The following KDM4A variants were observed in gnomAD, a reference collection of about 807,000 sequenced individuals.
The protein encoded by KDM4A is lysine demethylase 4A, also known as lysine-specific demethylase 4A.
Under a neutral mutation model 127.1 loss-of-function variants are expected in KDM4A, and 23 were observed. The observed-to-expected ratio is 0.18, with a 90% confidence interval of 0.13 to 0.26. KDM4A has a LOEUF of 0.26. Among genes scored for constraint, KDM4A ranks in the 10% least tolerant of loss-of-function variants. The pLI is 1.00. For synonymous variants in KDM4A, 443 were observed against 466.5 expected, an observed-to-expected ratio of 0.95 and a Z score of 0.65; for missense variants, 890 against 1,329.1, an observed-to-expected ratio of 0.67 and a Z score of 5.14.
chr1:43,698,779 A>G (rs1570878810), intron 19 of KDM4A, among the ~76,000 whole-genome samples: 1 of 152,300 alleles, frequency 6.6e-6, no homozygotes, highest in Non-Finnish European at 1.5e-5. Context: ...GCAGTAGCAT[A>G]GCTATCATTT....
chr1:43,695,929 T>C lies in KDM4A; in HGVS notation c.2670+1035T>C, dbSNP rs566633125. On this transcript the variant is annotated intron_variant, in intron 18 of 21. Coordinates refer to ENST00000372396, the MANE Select transcript of KDM4A (RefSeq NM_014663.3). ...GGGAAGGATGCTAATATGATGTTAG[T>C]AACTGCAATCAGGAACTGAGATGAA... is the stretch of plus-strand genomic sequence containing the variant. Among the ~76,000 whole-genome samples, 5 of 152,244 alleles carry C rather than the reference T, an allele frequency of 3.3e-5. No individual in the cohort carries two copies. In the South Asian group the frequency reaches 1.0e-3, roughly 32 times the overall value.
chr1:43,655,168 G>A (rs1391962755), intron 2 of KDM4A, among the ~76,000 whole-genome samples: 1 of 152,132 alleles, frequency 6.6e-6, no homozygotes, highest in Admixed American at 6.6e-5. Flanking sequence ...AGATTTTTAA[G>A]AATGTTATGC....
intron 11 of KDM4A, among the ~76,000 whole-genome samples, chr1:43,675,510 A>G (rs1660721160): frequency 6.6e-6 from 1 of 152,152 alleles, no homozygotes; most frequent in African/African-American, 2.4e-5. Flanking sequence ...CTGGGAGAGG[A>G]GGGTGTTCTA....
intron 12 of KDM4A, among the ~76,000 whole-genome samples, chr1:43,686,894 T>C (rs1660995704): frequency 6.6e-6 from 1 of 152,234 alleles, no homozygotes; most frequent in Non-Finnish European, 1.5e-5. Flanking sequence ...AACTGTATAA[T>C]TTTGCTTCCT....
At chr1:43,701,088 A>G (rs771915232) in intron 19 of KDM4A, among the ~76,000 whole-genome samples, 6 of 151,842 alleles carry the variant, frequency 4.0e-5, no homozygotes, top group Non-Finnish European at 5.9e-5. Flanking sequence ...ACGCCCAACT[A>G]ATTTTTGTAT....
chr1:43,692,593 A>T (rs900876919), intron 16 of KDM4A, among the ~76,000 whole-genome samples: 3 of 152,180 alleles, frequency 2.0e-5, no homozygotes, highest in African/African-American at 7.2e-5. Context: ...ATGAAGACGA[A>T]GATGATGCGC....
chr1:43,654,226 C>T (rs559561550), intron 2 of KDM4A, among the ~76,000 whole-genome samples: 2 of 152,112 alleles, frequency 1.3e-5, no homozygotes, highest in African/African-American at 4.8e-5. Context: ...TTTAAAGTTA[C>T]CAAAAAAATG....
chr1:43,703,810 G>T, intron 20 of KDM4A, 74 bp downstream of exon 20: 1 of 1,585,896 alleles, frequency 6.3e-7, no homozygotes, highest in Non-Finnish European at 8.6e-7. Context: ...GGCCAGAGGC[G>T]AGTCTTTGCT....
chr1:43,653,083 C>T, intron 1 of KDM4A, 54 bp from the exon 2 acceptor site: 9 of 908,498 alleles, frequency 9.9e-6, no homozygotes, highest in African/African-American at 1.7e-5. Context: ...TTGATGTTTC[C>T]AGCACTTAAT....
At chr1:43,668,609 C>T (rs1424536119) in intron 9 of KDM4A, among the ~76,000 whole-genome samples, 1 of 152,150 alleles carries the variant, frequency 6.6e-6, no homozygotes, top group Non-Finnish European at 1.5e-5. Flanking sequence ...GAAGGTCGGG[C>T]TCCCTCTGAG....
At chr1:43,660,478 G>A (rs541052902) in intron 4 of KDM4A, 66 bp downstream of exon 4, 79 of 1,533,084 alleles carry the variant, frequency 5.2e-5, no homozygotes, top group South Asian at 3.4e-4. Flanking sequence ...TTTTCGGCCC[G>A]GCACGTAGTA....
intron 18 of KDM4A, 67 bp from the exon 19 acceptor site, chr1:43,697,776 C>T (rs1465524594): frequency 2.5e-5 from 35 of 1,411,226 alleles, no homozygotes; most frequent in South Asian, 7.6e-5. Flanking sequence ...ACTAATTGAT[C>T]TTCATCTCCA....
chr1:43,698,015 T>G lies in KDM4A; in HGVS notation c.2841+2T>G. The stretch of plus-strand genomic sequence containing the variant: ...AATCTTTATCCTGAGGACATAGTGG[T>G]AATATCTGCAAGGAGCTTCTCAGGC... On this transcript the variant is annotated splice_donor_variant, in intron 19 of 21. Transcript: ENST00000372396. LOFTEE classifies it high-confidence loss of function. 6.2e-7 allele frequency: 1 copy of G among 1,612,148 alleles called. No homozygotes were observed. The highest frequency in any genetic ancestry group is 8.5e-7 in the Non-Finnish European group (1 of 1,179,242).
chr1:43,662,795 A>G, intron 4 of KDM4A, 99 bp from the exon 5 acceptor site: 1 of 990,234 alleles, frequency 1.0e-6, no homozygotes, highest in South Asian at 1.6e-5. Context: ...AATGTTTGTC[A>G]GAGATGACAG....
At position 43,652,401 on chromosome 1, in the gene KDM4A, GTC is replaced by G. The variant is rs561453570; in HGVS notation, c.-39-732_-39-731del. 2.7e-3 allele frequency among the ~76,000 whole-genome samples: 411 copies of G among 151,690 alleles called. 1 individual carries two copies. The highest frequency in any genetic ancestry group is 9.6e-3 in the African/African-American group (399 of 41,362). ...AGAACAATCCTATTGCAGTAACAAT[GTC>G]TCTGTTGAAATAAGGTTTGAATCCA... On this transcript the variant is annotated intron_variant, in intron 1 of 21. Coordinates refer to ENST00000372396, the MANE Select transcript of KDM4A (RefSeq NM_014663.3).
At chr1:43,668,519 C>T (rs936446863) in intron 9 of KDM4A, among the ~76,000 whole-genome samples, 13 of 152,164 alleles carry the variant, frequency 8.5e-5, no homozygotes, top group African/African-American at 3.1e-4. Flanking sequence ...CAGGCACTTT[C>T]TGAATGAGAG....
chr1:43,669,939 G>T (rs1170617163), intron 10 of KDM4A, among the ~76,000 whole-genome samples: 2 of 152,204 alleles, frequency 1.3e-5, no homozygotes, highest in Non-Finnish European at 2.9e-5. Context: ...TTACAGGCGT[G>T]AGCCACTGTT....
At chr1:43,675,298 C>G (rs907344579) in intron 11 of KDM4A, among the ~76,000 whole-genome samples, 15 of 152,334 alleles carry the variant, frequency 9.8e-5, no homozygotes, top group African/African-American at 3.4e-4. Flanking sequence ...CAGGACTGTG[C>G]CTTCAAGGAG....
chr1:43,675,686 C>T (rs936432827), intron 11 of KDM4A, among the ~76,000 whole-genome samples: 1 of 152,104 alleles, frequency 6.6e-6, no homozygotes. Context: ...GCAGTTTGAC[C>T]TAGTTGTGGT....
Sources: gnomAD v4.1 joint callset for allele counts (sites outside exome capture counted in the v4.1 genomes callset) on GRCh38, gnomAD v4.1.1 for gene constraint, MANE v1.5 for transcripts, NCBI Gene and HGNC (gene_info 2026-07-23, HGNC 2026-07-21) for gene names.